RYR2: variants seen among roughly 807,000 people sequenced by gnomAD.
RYR2 encodes ryanodine receptor 2.
RYR2 carries 227 observed loss-of-function variants against 601.1 expected under a neutral mutation model. The observed-to-expected ratio is 0.38, with a 90% CI of 0.34 to 0.42. The LOEUF (loss-of-function observed/expected upper bound fraction) is 0.42, where lower values mean the gene tolerates loss of function less well. Ranked by LOEUF, RYR2 falls within the 10% of genes least tolerant of loss-of-function variation. The pLI, the probability that RYR2 is intolerant of heterozygous loss-of-function variation, is 1.00. For missense variants in RYR2, 4,646 were observed against 6,156.5 expected, an observed-to-expected ratio of 0.75 and a Z score of 8.21; for synonymous variants, 2,223 against 2,175.1, an observed-to-expected ratio of 1.02 and a Z score of -0.61.
At chr1:237,711,712 G>GT in intron 70 of RYR2, 33 bp from the exon 71 acceptor site, 1 of 1,165,508 alleles carries the variant, frequency 8.6e-7, no homozygotes, top group Non-Finnish European at 1.3e-6. Context: ...TCTTTAAGTG[G>GT]TTTTAACTGA....
At chr1:237,272,421 T>A (rs1689791356) in intron 2 of RYR2, among the ~76,000 whole-genome samples, 1 of 151,782 alleles carries the variant, frequency 6.6e-6, no homozygotes, top group African/African-American at 2.4e-5. Context: ...TCTAGAGCTG[T>A]AAAGCTGAAA....
chr1:237,329,835 TATTG>T (rs1696539500), intron 2 of RYR2, among the ~76,000 whole-genome samples: 1 of 151,878 alleles, frequency 6.6e-6, no homozygotes, highest in Non-Finnish European at 1.5e-5. Context: ...ATCTGTGGTG[TATTG>T]ATTGAGATAG....
intron 8 of RYR2, among the ~76,000 whole-genome samples, chr1:237,382,908 G>GTTT (rs1189223402): frequency 7.7e-6 from 1 of 129,658 alleles, no homozygotes; most frequent in Non-Finnish European, 1.6e-5. Flanking sequence ...CCCCTCATTT[G>GTTT]TTTTTGTTTT....
chr1:237,768,832 T>C (rs925298323), intron 84 of RYR2, among the ~76,000 whole-genome samples: 8 of 152,170 alleles, frequency 5.3e-5, no homozygotes, highest in African/African-American at 1.9e-4. Context: ...CACCTGATGG[T>C]AAACGAAGGC....
intron 90 of RYR2, 123 bp downstream of exon 90, chr1:237,785,095 A>G: frequency 1.3e-6 from 1 of 744,864 alleles, no homozygotes; most frequent in Non-Finnish European, 2.3e-6. Context: ...TGAATTTCCA[A>G]AGAGAAATGC....
chr1:237,711,315 G>C (rs1688819590), intron 70 of RYR2, among the ~76,000 whole-genome samples: 1 of 152,238 alleles, frequency 6.6e-6, no homozygotes, highest in Non-Finnish European at 1.5e-5. Context: ...CAAATTAAAA[G>C]GGAATAAATA....
intron 66 of RYR2, among the ~76,000 whole-genome samples, chr1:237,702,417 C>T (rs1476565474): frequency 6.6e-6 from 1 of 152,022 alleles, no homozygotes; most frequent in African/African-American, 2.4e-5. Context: ...TTTATTTTCT[C>T]ATGTTCTCAA....
chr1:237,326,751 A>T (rs1329251326), intron 2 of RYR2, among the ~76,000 whole-genome samples: 1 of 152,232 alleles, frequency 6.6e-6, no homozygotes, highest in African/African-American at 2.4e-5. Flanking sequence ...AAAAGATGAT[A>T]ATTTTCAAAT....
chr1:237,748,818 A>C (rs1288004233), intron 80 of RYR2, among the ~76,000 whole-genome samples: 1 of 152,218 alleles, frequency 6.6e-6, no homozygotes, highest in African/African-American at 2.4e-5. Context: ...TACAGATTTA[A>C]ATATTCGAAA....
rs781674330 is a variant in RYR2, at chr1:237,643,337, C to G, written c.7232C>G (p.Ala2411Gly). ...TTTTCCCCTGTATAGTTGATTCATG[C>G]CGGGAAGGGAGAAGCCATCAGAATT... ...RCAPEMHLIH[A>G]GKGEAIRIRS... is the part of the protein sequence containing the mutation. The change falls in exon 48 of 105, where the codon GCC (alanine) becomes GGC (glycine). Residue 2411 changes from alanine to glycine, a missense_variant. Around this residue, in one of 17 missense-constraint regions of RYR2, gnomAD observed 1,497 missense variants for 1,842.6 expected, o/e 0.81. Coordinates refer to ENST00000366574, the MANE Select transcript of RYR2 (RefSeq NM_001035.3). The G allele has an allele frequency of 5.6e-6, 9 of 1,613,272 alleles. No individual in the cohort carries two copies. In the South Asian group the frequency reaches 9.9e-5, roughly 18 times the overall value.
At chr1:237,662,486 ATGT>A (rs1683899145) in intron 56 of RYR2, among the ~76,000 whole-genome samples, 1 of 61,950 alleles carries the variant, frequency 1.6e-5, no homozygotes, top group Non-Finnish European at 3.8e-5. Flanking sequence ...AGAGAAAGGG[ATGT>A]TTTTTTTTTT....
chr1:237,168,756 G>T (rs770291798), intron 1 of RYR2, among the ~76,000 whole-genome samples: 2 of 152,100 alleles, frequency 1.3e-5, no homozygotes, highest in African/African-American at 2.4e-5. Flanking sequence ...GTTATACGCC[G>T]CTTTCAGATG....
chr1:237,486,200 GC>G (rs1662667321), intron 17 of RYR2, among the ~76,000 whole-genome samples: 1 of 152,176 alleles, frequency 6.6e-6, no homozygotes, highest in Non-Finnish European at 1.5e-5. Context: ...GTTATGTTCA[GC>G]TTTTGAAAAA....
chr1:237,419,372 A>T (rs1399048682), intron 11 of RYR2, among the ~76,000 whole-genome samples: 1 of 151,850 alleles, frequency 6.6e-6, no homozygotes, highest in East Asian at 1.9e-4. Flanking sequence ...ACTATTGATG[A>T]GCTGTGACTA....
intron 1 of RYR2, among the ~76,000 whole-genome samples, chr1:237,074,560 G>C (rs1664770097): frequency 6.6e-6 from 1 of 152,104 alleles, no homozygotes. Flanking sequence ...TGCATAACTT[G>C]TTTCAAATGT....
At chr1:237,336,006 A>G (rs1392463949) in intron 3 of RYR2, among the ~76,000 whole-genome samples, 2 of 152,226 alleles carry the variant, frequency 1.3e-5, no homozygotes, top group Non-Finnish European at 2.9e-5. Context: ...CTTATATCTT[A>G]TAAAGGTTCT....
At chr1:237,063,307 T>A (rs1025536678) in intron 1 of RYR2, among the ~76,000 whole-genome samples, 3 of 152,230 alleles carry the variant, frequency 2.0e-5, no homozygotes, top group East Asian at 3.8e-4. Flanking sequence ...GACTTTGTTG[T>A]AGCAGTTTGA....
chr1:237,238,147 G>A (rs11584450), intron 1 of RYR2, among the ~76,000 whole-genome samples: 41,360 of 151,524 alleles, frequency 0.27, 6,553 homozygotes, highest in Admixed American at 0.38. Flanking sequence ...TGTATTTTTA[G>A]TAGTAGAGAC....
chr1:237,313,460 T>C (rs898667749), intron 2 of RYR2, among the ~76,000 whole-genome samples: 1 of 152,048 alleles, frequency 6.6e-6, no homozygotes, highest in Non-Finnish European at 1.5e-5. Flanking sequence ...GAAGTAAAGG[T>C]TGGAGTGATG....
Sources: gnomAD v4.1 joint callset for allele counts (sites outside exome capture counted in the v4.1 genomes callset) on GRCh38, gnomAD v4.1.1 for gene constraint, gnomAD v4.1.1 regional missense constraint, MANE v1.5 for transcripts, NCBI Gene and HGNC (gene_info 2026-07-23, HGNC 2026-07-21) for gene names.